The following ZFHX3 variants were observed in gnomAD, a reference collection of about 807,000 sequenced individuals.
ZFHX3 encodes zinc finger homeobox protein 3.
ZFHX3 carries 42 observed loss-of-function variants against 279.1 expected under a neutral mutation model. The ratio of observed to expected loss-of-function variants is 0.15; its 90% CI spans 0.12 to 0.19. ZFHX3 has a LOEUF of 0.19. Ranked by LOEUF, ZFHX3 falls within the 10% of genes least tolerant of loss-of-function variation. The pLI is 1.00. For missense variants in ZFHX3, 4,981 were observed against 4,754.0 expected, an observed-to-expected ratio of 1.05 and a Z score of -1.40; for synonymous variants, 2,293 against 1,957.8, an observed-to-expected ratio of 1.17 and a Z score of -4.52.
intron 4 of ZFHX3, among the ~76,000 whole-genome samples, chr16:73,287,450 GGGTGTGTGGCTGTGTGGGTC>G (rs1308684504): frequency 1.0e-4 from 14 of 135,718 alleles, no homozygotes; most frequent in Admixed American, 5.1e-4. Flanking sequence ...TGTGGGTGGT[GGGTGTGTGGCTGTGTGGGTC>G]GGTGTGTGGC....
chr16:73,264,675 C>T (rs1007180585), intron 4 of ZFHX3, among the ~76,000 whole-genome samples: 1 of 151,784 alleles, frequency 6.6e-6, no homozygotes, highest in African/African-American at 2.4e-5. Flanking sequence ...TTTCAGTGCA[C>T]CCATCACTCA....
At chr16:73,037,223 T>C (rs554225066) in intron 1 of ZFHX3, among the ~76,000 whole-genome samples, 1 of 152,356 alleles carries the variant, frequency 6.6e-6, no homozygotes, top group East Asian at 1.9e-4. Context: ...TCCTTAGGAA[T>C]ACTGGGGTAA....
In ZFHX3 at chr16:73,168,211, T is replaced by TTTTCTTTTTCTTTCTTTCTTTCTTTC. The variant is rs1555502324; in HGVS notation, c.-1103-24381_-1103-24380insGAAAGAAAGAAAGAAAGAAAAAGAAA. The stretch of plus-strand genomic sequence containing the variant: ...CCTTTTAACACTATAGTTTCTTTTG[T>TTTTCTTTTTCTTTCTTTCTTTCTTTC]TTTCTTTCTTTCTTTCTTTCTTTCT... On this transcript the variant is annotated intron_variant, in intron 5 of 17. Coordinates refer to the ZFHX3 transcript ENST00000641206. Among the ~76,000 whole-genome samples, 36 of 95,310 alleles carry TTTTCTTTTTCTTTCTTTCTTTCTTTC rather than the reference T, an allele frequency of 3.8e-4. 1 individual carries two copies. The highest frequency in any genetic ancestry group is 1.4e-3 in the African/African-American group (34 of 25,016). The allele number at this position is 95,310 out of a possible 152,430, so 62.5% of individuals were successfully genotyped here.
chr16:73,127,640 T>C, intron 7 of ZFHX3: 1 of 1,247,884 alleles, frequency 8.0e-7, no homozygotes, highest in Non-Finnish European at 1.0e-6. Flanking sequence ...AGACTGGATG[T>C]TATGGAACAG....
chr16:73,677,587 T>G (rs2052967703), intron 2 of ZFHX3, among the ~76,000 whole-genome samples: 4 of 151,958 alleles, frequency 2.6e-5, no homozygotes. Flanking sequence ...ATAAGAAAAG[T>G]GATTTAACAA....
At chr16:73,028,269 T>C (rs1474626923) in intron 1 of ZFHX3, among the ~76,000 whole-genome samples, 1 of 152,204 alleles carries the variant, frequency 6.6e-6, no homozygotes, top group Non-Finnish European at 1.5e-5. Context: ...ATGAGCTTCC[T>C]GTTTTTCCCC....
intron 1 of ZFHX3, among the ~76,000 whole-genome samples, chr16:73,886,145 T>C (rs1327222403): frequency 1.3e-5 from 2 of 152,198 alleles, no homozygotes; most frequent in African/African-American, 4.8e-5. Context: ...TAAAAGACTA[T>C]TAAATCTGTT....
intron 2 of ZFHX3, among the ~76,000 whole-genome samples, chr16:73,527,699 C>G (rs1206285488): frequency 6.6e-6 from 1 of 152,206 alleles, no homozygotes; most frequent in African/African-American, 2.4e-5. Flanking sequence ...AGGAAGCAAG[C>G]TACCATGTGT....
At chr16:72,811,848 C>T in intron 6 of ZFHX3, 57 bp downstream of exon 6, 2 of 1,598,896 alleles carry the variant, frequency 1.3e-6, no homozygotes, top group Non-Finnish European at 1.7e-6. Context: ...AAGTTTGTTC[C>T]CTACCAATGT....
At position 73,600,317 on chromosome 16, in the gene ZFHX3, T is replaced by C. The variant is rs546954406; in HGVS notation, c.-1547+79863A>G. Among the ~76,000 whole-genome samples, 14 of 152,216 alleles carry C rather than the reference T, an allele frequency of 9.2e-5. No homozygotes were observed. In the South Asian group the frequency reaches 2.9e-3, roughly 32 times the overall value. On this transcript the variant is annotated intron_variant, in intron 2 of 17. Coordinates refer to the ZFHX3 transcript ENST00000641206. ...GTACCTGGGACATCACCAAGAAATA[T>C]GAAGGCACTGGACTTGTTCTTCCCC...
chr16:73,763,936 T>C (rs2053899398), intron 1 of ZFHX3, among the ~76,000 whole-genome samples: 1 of 149,788 alleles, frequency 6.7e-6, no homozygotes, highest in African/African-American at 2.4e-5. Flanking sequence ...GGGAGGACCA[T>C]ACTTGGAAGT....
At chr16:73,414,799 GC>G (rs1339741424) in intron 3 of ZFHX3, among the ~76,000 whole-genome samples, 2 of 152,162 alleles carry the variant, frequency 1.3e-5, no homozygotes, top group African/African-American at 2.4e-5. Context: ...TTGCGCCACC[GC>G]ACTTTAGACT....
chr16:73,450,780 A>C (rs1486268902), intron 3 of ZFHX3, among the ~76,000 whole-genome samples: 2 of 152,212 alleles, frequency 1.3e-5, no homozygotes, highest in African/African-American at 4.8e-5. Context: ...GCCATTAGCA[A>C]ATTGGAAATC....
intron 3 of ZFHX3, among the ~76,000 whole-genome samples, chr16:73,432,762 A>C (rs1008964873): frequency 1.4e-5 from 2 of 145,404 alleles, no homozygotes; most frequent in Admixed American, 1.4e-4. Flanking sequence ...AGCATCTTAG[A>C]ATCGCTCTGT....
chr16:72,970,744 C>G (rs141557394), intron 1 of ZFHX3, among the ~76,000 whole-genome samples: 1 of 152,148 alleles, frequency 6.6e-6, no homozygotes, highest in Admixed American at 6.5e-5. Flanking sequence ...TCATCTCCTC[C>G]CAATTTCCTC....
chr16:73,008,911 C>CGTGTGTGTGTGTGT (rs5817822), intron 1 of ZFHX3, among the ~76,000 whole-genome samples: 104 of 149,714 alleles, frequency 6.9e-4, no homozygotes, highest in African/African-American at 2.5e-3. Context: ...AAAGTATATA[C>CGTGTGTGTGTGTGT]GTGTGTGTGT....
rs60146795 is a variant in ZFHX3 at position 73,026,192 on chromosome 16, CAAAAAAAAAAAAAAA to C, written c.-50+21545_-50+21559del. Among the ~76,000 whole-genome samples the C allele has an allele frequency of 1.2e-3, 58 of 47,486 alleles. 2 individuals carry two copies. The South Asian group carries it at 0.019, about 16-fold the overall frequency. 31.2% of individuals were successfully genotyped at this position (47,486 alleles called of 152,430 possible). On this transcript the variant is annotated intron_variant, in intron 1 of 9. Transcript: ENST00000268489. ...CAAAACCCCATCTCTACAAAAAATA[CAAAAAAAAAAAAAAA>C]AAAAAAAAAAAAAAAGCCAGGTGTG...
intron 4 of ZFHX3, among the ~76,000 whole-genome samples, chr16:72,876,132 G>A (rs1483155302): frequency 6.6e-6 from 1 of 152,080 alleles, no homozygotes; most frequent in Non-Finnish European, 1.5e-5. Flanking sequence ...TAAAACACAC[G>A]TGCATGCATG....
At chr16:73,479,836 G>A (rs77863141) in intron 2 of ZFHX3, among the ~76,000 whole-genome samples, 9,004 of 152,280 alleles carry the variant, frequency 0.059, 396 homozygotes, top group Non-Finnish European at 0.089. Flanking sequence ...TCCATCAATA[G>A]GATCAGGTCC....
Sources: gnomAD v4.1 joint callset for allele counts (sites outside exome capture counted in the v4.1 genomes callset) on GRCh38, gnomAD v4.1.1 for gene constraint, MANE v1.5 for transcripts, NCBI Gene and HGNC (gene_info 2026-07-23, HGNC 2026-07-21) for gene names.